The following COL6A2 variants were observed in gnomAD, a reference collection of about 807,000 sequenced individuals.
COL6A2 encodes the protein collagen type VI alpha 2 chain, also known as collagen alpha-2(VI) chain.
COL6A2 carries 90 observed loss-of-function variants against 124.9 expected under a neutral mutation model. The ratio of observed to expected loss-of-function variants is 0.72; its 90% CI spans 0.61 to 0.86. The LOEUF is 0.86. Ranked by LOEUF, COL6A2 falls within the 40% of genes least tolerant of loss-of-function variation. The probability of loss-of-function intolerance (pLI) is 0.00; values close to 1 mark genes in which losing one functional copy is unlikely to be tolerated. For synonymous variants in COL6A2, 793 were observed against 618.2 expected (o/e 1.28, Z -4.19); for missense variants, 1,607 against 1,502.5 (o/e 1.07, Z -1.15).
rs149845431 is a variant in COL6A2, at chr21:46,132,453, G to C, written c.2961G>C (p.Thr987=). ...GSDVDMDVLT[T]LSLGDRAAVF... is the part of the protein sequence containing the mutation. The stretch of plus-strand genomic sequence containing the variant: ...ACGTGGACATGGACGTGCTCACCAC[G>C]CTCAGCCTGGGTGACCGCGCCGCCG... Residue 987 remains threonine, a synonymous_variant, in exon 28 of 28, where the codon ACG becomes ACC. Coordinates refer to ENST00000300527, the MANE Select transcript of COL6A2 (RefSeq NM_001849.4). 1 of 1,606,094 alleles carries C rather than the reference G, an allele frequency of 6.2e-7. No homozygotes were observed. The highest frequency in any genetic ancestry group is 8.5e-7 in the Non-Finnish European group (1 of 1,176,820).
chr21:46,128,906 T>C, intron 27 of COL6A2: 1 of 1,612,352 alleles, frequency 6.2e-7, no homozygotes, highest in Non-Finnish European at 8.5e-7. Flanking sequence ...GGCACAGGTT[T>C]GGACGGAGCT....
At position 46,117,882 on chromosome 21, in the gene COL6A2, C is replaced by T. The variant is rs780651079; in HGVS notation, c.1062C>T (p.Asp354=). Residue 354 remains aspartate (D), a synonymous_variant, in exon 12 of 28, where the codon GAC becomes GAT. Transcript: ENST00000300527. ...CKGDPGNRGP[D]GYPGEAGSPG... Reference sequence around the variant, plus strand: ...TCTCACTCCTCTCTCAGGGCCCCGACGGTTACCCGGGGGAAGCAGGGAGTC... The same window carrying T: ...TCTCACTCCTCTCTCAGGGCCCCGATGGTTACCCGGGGGAAGCAGGGAGTC... 5.0e-6 allele frequency: 8 copies of T among 1,611,812 alleles called. No individual in the cohort carries two copies. The highest frequency in any genetic ancestry group is 1.3e-5 in the African/African-American group (1 of 74,888).
At chr21:46,101,426 A>C (rs2123590939) in intron 1 of COL6A2, among the ~76,000 whole-genome samples, 1 of 152,134 alleles carries the variant, frequency 6.6e-6, no homozygotes, top group East Asian at 1.9e-4. Flanking sequence ...TTTTGGTGTA[A>C]TCTGATTTAT....
At position 46,117,404 on chromosome 21, in the gene COL6A2, A is replaced by G. The variant is rs749917539; in HGVS notation, c.1004A>G (p.Lys335Arg). ...TCCTGCCCCCTTCTCCTTCAGGGCA[A>G]GCTGGGGCGCATCGGACCTCCTGGC... ...GKNGTDGQKG[K>R]LGRIGPPGCK... Residue 335 changes from lysine (K) to arginine (R), a missense_variant, in exon 11 of 28, where the codon AAG becomes AGG. This residue lies in a region of COL6A2 where 1,223 missense variants were observed against 1,052.2 expected (regional missense o/e 1.16). Coordinates refer to ENST00000300527, the MANE Select transcript of COL6A2 (RefSeq NM_001849.4). 6.2e-7 allele frequency: 1 copy of G among 1,612,812 alleles called. No individual in the cohort carries two copies. The highest frequency in any genetic ancestry group is 2.2e-5 in the East Asian group (1 of 44,872).
At position 46,116,640 on chromosome 21, in the gene COL6A2, C is replaced by T. The variant is rs201223913; in HGVS notation, c.928-11C>T. 41 of 1,612,898 alleles carry T rather than the reference C, an allele frequency of 2.5e-5. No individual in the cohort carries two copies. Among genetic ancestry groups the T allele is most frequent in the Middle Eastern group, 1.6e-4 (1 of 6,082 alleles). ...CACCGAGCTCACTGCGCCGGCTTTCCTCCTACACAGGGTGAATTTGGAGCC... is the reference window on the plus strand; with the variant it reads ...CACCGAGCTCACTGCGCCGGCTTTCTTCCTACACAGGGTGAATTTGGAGCC... On this transcript the variant is annotated splice_polypyrimidine_tract_variant and intron_variant, in intron 8 of 27. Coordinates refer to ENST00000300527, the MANE Select transcript of COL6A2 (RefSeq NM_001849.4). This position sits in a 1 kb window ranked among gnomAD's most constrained non-coding sequence, Gnocchi z 4.6.
chr21:46,114,083 C>T lies in COL6A2; in HGVS notation c.801+10C>T, dbSNP rs1235745825. 6.2e-7 allele frequency: 1 copy of T among 1,607,908 alleles called. No individual in the cohort carries two copies. Among genetic ancestry groups the T allele is most frequent in the Non-Finnish European group, 8.5e-7 (1 of 1,174,868 alleles). On this transcript the variant is annotated intron_variant, in intron 5 of 27. Transcript: ENST00000300527. ...CTACCGTGGACAGAAGGTAAGATGC[C>T]CAGATTACCTGCAGGGTCTGCGCTA...
chr21:46,116,072 G>C lies in COL6A2; in HGVS notation c.900+19G>C. ...ACCCAAGGTGAGTGACCTCGGCCAG[G>C]GGCTTGGCTCCACCCTGAGGCCCCA... On this transcript the variant is annotated intron_variant, in intron 7 of 27. Transcript: ENST00000300527. The surrounding 1 kb of genome is among the most constrained non-coding windows in gnomAD (Gnocchi z 4.6). 6.4e-7 allele frequency: 1 copy of C among 1,564,662 alleles called. No homozygotes were observed. Among genetic ancestry groups the C allele is most frequent in the South Asian group, 1.2e-5 (1 of 85,538 alleles).
chr21:46,117,788 C>A, intron 11 of COL6A2, 86 bp from the exon 12 acceptor site: 1 of 1,400,296 alleles, frequency 7.1e-7, no homozygotes, highest in South Asian at 1.2e-5. Flanking sequence ...GCGTCCCGGG[C>A]TGGGACAATG....
rs544421659 is a variant in COL6A2, at chr21:46,130,445, G to A, written c.2462-1509G>A. Among the ~76,000 whole-genome samples the A allele has an allele frequency of 9.9e-5, 15 of 152,230 alleles. No homozygotes were observed. The South Asian group carries it at 2.1e-3, about 21-fold the overall frequency. On this transcript the variant is annotated intron_variant, in intron 27 of 27. Transcript: ENST00000300527. ...TCCAGGCTGGGCTCCTGCCGGGCAC[G>A]GCTGTGACCATTTCTCAGGGCCAGG...
At chr21:46,111,345 C>T in intron 1 of COL6A2, 105 bp from the exon 2 acceptor site, 1 of 653,876 alleles carries the variant, frequency 1.5e-6, no homozygotes, top group Non-Finnish European at 2.8e-6. Flanking sequence ...AGACTGAGGG[C>T]AGTGCCCCCA....
rs752730608 is a variant in COL6A2 at position 46,119,812 on chromosome 21, A to G, written c.1294A>G (p.Lys432Glu). The G allele has an allele frequency of 3.2e-6, 5 of 1,565,200 alleles. No individual in the cohort carries two copies. In the South Asian group the frequency reaches 5.9e-5, roughly 18 times the overall value. Residue 432 changes from lysine (K) to glutamate (E), a missense_variant, in exon 15 of 28, where the codon AAG (lysine) becomes GAG (glutamate). By Grantham distance (56) the Lys-to-Glu change is moderately conservative (BLOSUM62 1). Transcript: ENST00000300527. The part of the protein sequence containing the change: ...EPGRRGDPGT[K>E]GSPGSDGPKG... ...GGGGCGCAGGGGAGACCCCGGCACCAAGGGCAGCCCAGGCAGCGATGGCCC... is the reference window on the plus strand; with the variant it reads ...GGGGCGCAGGGGAGACCCCGGCACCGAGGGCAGCCCAGGCAGCGATGGCCC...
rs761019085 is a variant in COL6A2, at chr21:46,116,091, G to A, written c.900+38G>A. Reference sequence around the variant, plus strand: ...GGCCAGGGGCTTGGCTCCACCCTGAGGCCCCAGCACTGCCAGGCAGGCTCC... The same window carrying A: ...GGCCAGGGGCTTGGCTCCACCCTGAAGCCCCAGCACTGCCAGGCAGGCTCC... On this transcript the variant is annotated intron_variant, in intron 7 of 27. Coordinates refer to ENST00000300527, the MANE Select transcript of COL6A2 (RefSeq NM_001849.4). The surrounding 1 kb of genome is among the most constrained non-coding windows in gnomAD (Gnocchi z 4.6). The A allele has an allele frequency of 6.4e-7, 1 of 1,552,228 alleles. No individual in the cohort carries two copies. Among genetic ancestry groups the A allele is most frequent in the South Asian group, 1.2e-5 (1 of 84,518 alleles).
chr21:46,126,618 T>TGG, intron 27 of COL6A2, 77 bp downstream of exon 27: 2 of 1,512,762 alleles, frequency 1.3e-6, no homozygotes, highest in Non-Finnish European at 9.1e-7. Flanking sequence ...AGGGCCGGGC[T>TGG]GGGGGAGGGG....
At chr21:46,126,667 G>C in intron 27 of COL6A2, 126 bp downstream of exon 27, 1 of 1,163,068 alleles carries the variant, frequency 8.6e-7, no homozygotes. Context: ...CCACTGCGGA[G>C]GCTGCTCCTT....
At chr21:46,105,971 A>G (rs2078331789) in intron 1 of COL6A2, among the ~76,000 whole-genome samples, 1 of 152,222 alleles carries the variant, frequency 6.6e-6, no homozygotes, top group South Asian at 2.1e-4. Flanking sequence ...ATCCAACTAT[A>G]TGCTCTCTAC....
intron 1 of COL6A2, among the ~76,000 whole-genome samples, chr21:46,098,443 G>C (rs1470542284): frequency 2.9e-5 from 2 of 69,734 alleles, no homozygotes; most frequent in African/African-American, 9.4e-5. Context: ...GGGCGGAGCC[G>C]GCCTGGGCGG....
At position 46,117,871 on chromosome 21, in the gene COL6A2, C is replaced by T; in HGVS notation, c.1054-3C>T. 1.2e-6 allele frequency: 2 copies of T among 1,610,308 alleles called. No individual in the cohort carries two copies. Among genetic ancestry groups the T allele is most frequent in the Non-Finnish European group, 1.7e-6 (2 of 1,179,080 alleles). ...CGAGCTCCACCTCTCACTCCTCTCTCAGGGCCCCGACGGTTACCCGGGGGA... is the reference window on the plus strand; with the variant it reads ...CGAGCTCCACCTCTCACTCCTCTCTTAGGGCCCCGACGGTTACCCGGGGGA... On this transcript the variant is annotated splice_polypyrimidine_tract_variant and splice_region_variant and intron_variant, in intron 11 of 27. Transcript: ENST00000300527.
Position 46,119,130 on chromosome 21 carries a change from C to T in COL6A2, c.1269+11C>T, listed in dbSNP as rs767424067. On this transcript the variant is annotated intron_variant, in intron 14 of 27. Coordinates refer to ENST00000300527, the MANE Select transcript of COL6A2 (RefSeq NM_001849.4). ...CCCAAAGGCGAGCCGGTGAGTCCCT[C>T]CTGCCCCTGCCTCAGGGCCCCGCTC... The T allele has an allele frequency of 2.5e-6, 4 of 1,603,940 alleles. No homozygotes were observed. The highest frequency in any genetic ancestry group is 3.4e-6 in the Non-Finnish European group (4 of 1,174,076).
chr21:46,108,049 C>T lies in COL6A2; in HGVS notation c.-27-3401C>T, dbSNP rs537229414. On this transcript the variant is annotated intron_variant, in intron 1 of 27. Coordinates refer to ENST00000300527, the MANE Select transcript of COL6A2 (RefSeq NM_001849.4). ...AAGTGGCTCACTAAATTTTCTCTCC[C>T]TAATCTCCCCTCCTTTCTCTTTCTT... Among the ~76,000 whole-genome samples, 102 of 151,546 alleles carry T rather than the reference C, an allele frequency of 6.7e-4. 1 individual carries two copies. Among genetic ancestry groups the T allele is most frequent in the African/African-American group, 2.2e-3 (92 of 41,382 alleles).
Sources: allele counts gnomAD v4.1 joint callset (sites outside exome capture counted in the v4.1 genomes callset), GRCh38; gene constraint gnomAD v4.1.1; regional missense constraint gnomAD v4.1.1; non-coding constraint Gnocchi (gnomAD v3.1); transcripts MANE v1.5; gene names NCBI Gene and HGNC (gene_info 2026-07-23, HGNC 2026-07-21).